The following TXNRD3 variants were observed in gnomAD, a reference collection of about 807,000 sequenced individuals.
The protein encoded by TXNRD3 is TXNRD3 neighbor gene protein.
In TXNRD3, 68 loss-of-function variants were observed where a neutral mutation model predicts 78.2. The observed-to-expected ratio is 0.87, with a 90% CI of 0.72 to 1.06. The LOEUF is 1.06. Ranked by LOEUF, TXNRD3 falls within the 50% of genes least tolerant of loss-of-function variation. TXNRD3 has a pLI of 0.00. For synonymous variants in TXNRD3, 296 were observed against 300.1 expected (o/e 0.99, Z 0.14); for missense variants, 751 against 809.5 (o/e 0.93, Z 0.88).
intron 2 of TXNRD3, 49 bp from the exon 3 acceptor site, chr3:126,646,269 T>C (rs1559779828): frequency 7.4e-7 from 1 of 1,347,386 alleles, no homozygotes; most frequent in Non-Finnish European, 9.6e-7. Flanking sequence ...GAGTTTCAAA[T>C]CTTTGTGAGT....
chr3:126,650,116 T>C (rs1017843816), intron 1 of TXNRD3, among the ~76,000 whole-genome samples: 1 of 152,218 alleles, frequency 6.6e-6, no homozygotes, highest in African/African-American at 2.4e-5. Context: ...TGGCTTAAAA[T>C]TAATGTGGGG....
intron 15 of TXNRD3, 38 bp from the exon 16 acceptor site, chr3:126,608,011 T>C (rs763259391): frequency 8.0e-6 from 11 of 1,375,368 alleles, no homozygotes; most frequent in African/African-American, 1.4e-5. Context: ...TATTTAGATG[T>C]TAGTATTGTT....
intron 10 of TXNRD3, chr3:126,624,656 T>G (rs13066990): frequency 0.036 from 5,443 of 152,318 alleles, 126 homozygotes; most frequent in African/African-American, 0.059. Context: ...CTCCTGACCT[T>G]GTGACCTGCC....
chr3:126,636,106 A>AT (rs1017742878), intron 6 of TXNRD3, among the ~76,000 whole-genome samples: 68 of 151,836 alleles, frequency 4.5e-4, no homozygotes, highest in African/African-American at 1.6e-3. Context: ...TTATTTTTCT[A>AT]TTTTTTATTT....
In TXNRD3 at chr3:126,607,201, C is replaced by T. The variant is rs780486990; in HGVS notation, c.*704G>A. 6 of 152,110 alleles carry T rather than the reference C, an allele frequency of 3.9e-5. No individual in the cohort carries two copies. The highest frequency in any genetic ancestry group is 8.8e-5 in the Non-Finnish European group (6 of 68,020). The allele number at this position is 152,110 out of a possible 1,614,324, so 9.4% of individuals were successfully genotyped here. Reference sequence around the variant, plus strand: ...TGAACATGAAAAAGCAATTCAAGTACTTTTATCTTACATGAGATATTTTGC... The same window carrying T: ...TGAACATGAAAAAGCAATTCAAGTATTTTTATCTTACATGAGATATTTTGC... On this transcript the variant is annotated 3_prime_UTR_variant, in exon 16 of 16. Transcript: ENST00000524230.
intron 1 of TXNRD3, among the ~76,000 whole-genome samples, chr3:126,651,803 CACT>C (rs1933397057): frequency 6.6e-6 from 1 of 152,152 alleles, no homozygotes; most frequent in African/African-American, 2.4e-5. Flanking sequence ...ACTGAATCCC[CACT>C]CCTATTACTA....
chr3:126,646,101 G>C lies in TXNRD3; in HGVS notation c.414+10C>G. 1 of 1,506,746 alleles carries C rather than the reference G, an allele frequency of 6.6e-7. No homozygotes were observed. Among genetic ancestry groups the C allele is most frequent in the Non-Finnish European group, 8.8e-7 (1 of 1,131,268 alleles). The allele number at this position is 1,506,746 out of a possible 1,614,324, so 93.3% of individuals were successfully genotyped here. A position where few individuals can be genotyped will look rare whatever the true frequency, so the allele number is the denominator to read the frequency against. On this transcript the variant is annotated intron_variant, in intron 3 of 15. Coordinates refer to ENST00000524230, the MANE Select transcript of TXNRD3 (RefSeq NM_052883.3). ...AAACAGCATTGAAGAACATATAATA[G>C]TATTATTACCTGGAAAGTTTGGTCA... is the stretch of plus-strand genomic sequence containing the variant.
chr3:126,635,865 AT>A (rs1938848033), intron 6 of TXNRD3, among the ~76,000 whole-genome samples: 1 of 152,192 alleles, frequency 6.6e-6, no homozygotes. Flanking sequence ...ACACATACAT[AT>A]ATATACACAT....
At chr3:126,623,011 C>A (rs574788995) in intron 10 of TXNRD3, among the ~76,000 whole-genome samples, 1 of 152,290 alleles carries the variant, frequency 6.6e-6, no homozygotes, top group South Asian at 2.1e-4. Flanking sequence ...ACCCTGTCAA[C>A]ACCTTGATCT....
At chr3:126,630,649 G>T in intron 9 of TXNRD3, 63 bp downstream of exon 9, 1 of 1,412,514 alleles carries the variant, frequency 7.1e-7, no homozygotes, top group Non-Finnish European at 9.6e-7. Flanking sequence ...GTAATGAAAT[G>T]AAGTAAGGTG....
At chr3:126,634,152 T>C in intron 6 of TXNRD3, 101 bp from the exon 7 acceptor site, 1 of 1,070,170 alleles carries the variant, frequency 9.3e-7, no homozygotes, top group Non-Finnish European at 1.2e-6. Flanking sequence ...GCTTTAAAAA[T>C]CAAGAAGTAG....
intron 10 of TXNRD3, chr3:126,625,238 T>C (rs1221430936): frequency 2.0e-5 from 3 of 151,552 alleles, no homozygotes; most frequent in African/African-American, 7.3e-5. Context: ...ATGTGCCATG[T>C]TGGTGTGCTG....
chr3:126,638,067 C>A (rs1274661877), intron 6 of TXNRD3, among the ~76,000 whole-genome samples: 1 of 150,592 alleles, frequency 6.6e-6, no homozygotes. Flanking sequence ...CCTCAACCTC[C>A]CGAGTAGCTG....
intron 6 of TXNRD3, among the ~76,000 whole-genome samples, chr3:126,641,344 A>G (rs1933083053): frequency 6.6e-6 from 1 of 151,884 alleles, no homozygotes; most frequent in Admixed American, 6.6e-5. Flanking sequence ...AACCCCCCAA[A>G]ACACCATGTT....
intron 10 of TXNRD3, among the ~76,000 whole-genome samples, chr3:126,627,394 G>T (rs1369180689): frequency 3.3e-5 from 5 of 152,176 alleles, no homozygotes; most frequent in Admixed American, 6.5e-5. Flanking sequence ...GTGGTTGCTT[G>T]GGGGTCGATG....
In TXNRD3 at chr3:126,655,026, T is replaced by C. The variant is rs2107633098; in HGVS notation, c.-36A>G. 7.7e-7 allele frequency: 1 copy of C among 1,292,532 alleles called. No homozygotes were observed. The allele number at this position is 1,292,532 out of a possible 1,614,324, so 80.1% of individuals were successfully genotyped here. A position where few individuals can be genotyped will look rare whatever the true frequency, so the allele number is the denominator to read the frequency against. ...TCGCTCCTGGCCCGGCCGGGCCTGC[T>C]CACAAACCGAAACGCAGGCGGCTGC... On this transcript the variant is annotated 5_prime_UTR_variant, in exon 1 of 16. Coordinates refer to ENST00000524230, the MANE Select transcript of TXNRD3 (RefSeq NM_052883.3).
intron 8 of TXNRD3, 124 bp from the exon 9 acceptor site, chr3:126,631,061 C>G: frequency 1.0e-6 from 1 of 990,024 alleles, no homozygotes; most frequent in South Asian, 1.8e-5. Context: ...GAAGCAACAG[C>G]CTTTTGAAAT....
At chr3:126,627,802 T>G (rs1938614386) in intron 10 of TXNRD3, among the ~76,000 whole-genome samples, 1 of 152,134 alleles carries the variant, frequency 6.6e-6, no homozygotes, top group South Asian at 2.1e-4. Flanking sequence ...AAGGAACCAA[T>G]TCTAATGTTA....
At chr3:126,612,334 C>T (rs1016835300) in intron 13 of TXNRD3, among the ~76,000 whole-genome samples, 16 of 152,148 alleles carry the variant, frequency 1.1e-4, no homozygotes, top group African/African-American at 3.6e-4. Flanking sequence ...CACCAGCCCC[C>T]ACCACTTCTA....
Sources: allele counts gnomAD v4.1 joint callset (sites outside exome capture counted in the v4.1 genomes callset), GRCh38; gene constraint gnomAD v4.1.1; transcripts MANE v1.5; gene names NCBI Gene and HGNC (gene_info 2026-07-23, HGNC 2026-07-21).